Variants in ASCC3 observed in about 807,000 individuals in gnomAD.
ASCC3 encodes activating signal cointegrator 1 complex subunit 3, also known as ASC-1 complex subunit P200.
ASCC3 carries 158 observed loss-of-function variants against 256.3 expected under a neutral mutation model. That is an observed-to-expected ratio of 0.62 (90% CI 0.54 to 0.70). The LOEUF is 0.70. ASCC3 is among the 30% of genes least tolerant of loss of function. The pLI is 0.00. For missense variants in ASCC3, 2,259 were observed against 2,626.0 expected (o/e 0.86, Z 3.05); for synonymous variants, 948 against 883.4 (o/e 1.07, Z -1.30).
Position 100,767,242 on chromosome 6 carries a change from G to A in ASCC3, c.1499C>T (p.Pro500Leu). Reference sequence around the variant, plus strand: ...AATGTTGGTTTTTCCAGCTCCTGTAGGGGCACAAATCAGCATGTTCTCATT... The same window carrying A: ...AATGTTGGTTTTTCCAGCTCCTGTAAGGGCACAAATCAGCATGTTCTCATT... ...NTNENMLICA[P>L]TGAGKTNIAM... is the part of the protein sequence containing the mutation. Residue 500 changes from proline (P) to leucine (L), a missense_variant, in exon 9 of 42, where the codon CCT (proline) becomes CTT (leucine). Coordinates refer to ENST00000369162, the MANE Select transcript of ASCC3 (RefSeq NM_006828.4). 6.2e-7 allele frequency: 1 copy of A among 1,613,978 alleles called. No individual in the cohort carries two copies. Among genetic ancestry groups the A allele is most frequent in the Non-Finnish European group, 8.5e-7 (1 of 1,179,982 alleles).
chr6:100,761,788 C>G (rs985004300), intron 10 of ASCC3, among the ~76,000 whole-genome samples: 1 of 152,042 alleles, frequency 6.6e-6, no homozygotes. Flanking sequence ...AAATTTAAAG[C>G]GAAAAGCCCA....
intron 1 of ASCC3, among the ~76,000 whole-genome samples, chr6:100,874,104 G>T (rs1329904974): frequency 2.6e-5 from 4 of 152,094 alleles, no homozygotes; most frequent in South Asian, 2.1e-4. Flanking sequence ...ACAAATATTT[G>T]AGTTTCTCCT....
intron 8 of ASCC3, among the ~76,000 whole-genome samples, chr6:100,793,479 T>G (rs1340142125): frequency 6.6e-6 from 1 of 151,954 alleles, no homozygotes; most frequent in Non-Finnish European, 1.5e-5. Flanking sequence ...GGCCTTGAAA[T>G]CACAGCCTTT....
At chr6:100,847,422 T>C (rs143606375) in intron 4 of ASCC3, among the ~76,000 whole-genome samples, 17 of 152,246 alleles carry the variant, frequency 1.1e-4, no homozygotes, top group African/African-American at 4.1e-4. Context: ...ACTTCCAAAC[T>C]AATGTTAGTT....
intron 4 of ASCC3, among the ~76,000 whole-genome samples, chr6:100,806,885 T>C (rs991444518): frequency 3.3e-5 from 5 of 151,970 alleles, no homozygotes; most frequent in African/African-American, 1.2e-4. Flanking sequence ...GGTACTATGA[T>C]AGGCATTTTG....
At chr6:100,722,200 T>C (rs910985116) in intron 11 of ASCC3, among the ~76,000 whole-genome samples, 2 of 151,888 alleles carry the variant, frequency 1.3e-5, no homozygotes, top group Non-Finnish European at 2.9e-5. Context: ...TATGTGTCTG[T>C]TTTTGTACCA....
At chr6:100,854,054 T>G (rs997682318) in intron 3 of ASCC3, among the ~76,000 whole-genome samples, 1 of 152,070 alleles carries the variant, frequency 6.6e-6, no homozygotes, top group Non-Finnish European at 1.5e-5. Flanking sequence ...ATATCTAAAC[T>G]AGTCTCATGA....
intron 34 of ASCC3, among the ~76,000 whole-genome samples, chr6:100,601,056 C>A (rs183045525): frequency 1.3e-5 from 2 of 152,136 alleles, no homozygotes; most frequent in East Asian, 3.9e-4. Flanking sequence ...GCTTATGACT[C>A]TTTCAAGCCC....
At chr6:100,856,512 A>G (rs1304081610) in intron 3 of ASCC3, 1 of 730,832 alleles carries the variant, frequency 1.4e-6, no homozygotes, top group Non-Finnish European at 1.7e-6. Context: ...AAGAAAATAT[A>G]CAGTACACAT....
intron 3 of ASCC3, chr6:100,856,553 C>T: frequency 2.1e-6 from 1 of 476,198 alleles, no homozygotes; most frequent in Non-Finnish European, 2.7e-6. Flanking sequence ...AAAACGAACA[C>T]ACCTGTGTAA....
At chr6:100,514,999 AT>A (rs1773951167) in intron 39 of ASCC3, among the ~76,000 whole-genome samples, 1 of 152,196 alleles carries the variant, frequency 6.6e-6, no homozygotes, top group African/African-American at 2.4e-5. Context: ...CCAAATAACC[AT>A]CATCATATCA....
At chr6:100,523,253 C>T (rs547316284) in intron 37 of ASCC3, among the ~76,000 whole-genome samples, 1 of 151,930 alleles carries the variant, frequency 6.6e-6, no homozygotes, top group African/African-American at 2.4e-5. Context: ...CAAGGAGTTT[C>T]ATTAGGTGCT....
chr6:100,600,235 A>G (rs186027885), intron 34 of ASCC3, among the ~76,000 whole-genome samples: 73 of 145,310 alleles, frequency 5.0e-4, no homozygotes, highest in Admixed American at 4.1e-3. Context: ...ACACACACAC[A>G]CACAGTTGTA....
intron 13 of ASCC3, among the ~76,000 whole-genome samples, chr6:100,686,279 A>G (rs1777560898): frequency 6.6e-6 from 1 of 152,140 alleles, no homozygotes; most frequent in Non-Finnish European, 1.5e-5. Context: ...TCCTTATAAT[A>G]TACTGTATTA....
At chr6:100,853,790 A>G (rs1042563059) in intron 3 of ASCC3, among the ~76,000 whole-genome samples, 1 of 152,178 alleles carries the variant, frequency 6.6e-6, no homozygotes, top group African/African-American at 2.4e-5. Flanking sequence ...GAAGTTGTCA[A>G]CAAATGAGTT....
At chr6:100,646,892 A>C in intron 21 of ASCC3, 123 bp from the exon 22 acceptor site, 1 of 1,015,228 alleles carries the variant, frequency 9.9e-7, no homozygotes, top group East Asian at 2.6e-5. Context: ...GCTATGTAGA[A>C]TAGCTGACAT....
intron 14 of ASCC3, among the ~76,000 whole-genome samples, chr6:100,675,602 A>G (rs1168559287): frequency 6.6e-6 from 1 of 152,224 alleles, no homozygotes; most frequent in African/African-American, 2.4e-5. Context: ...TCAGAAAATT[A>G]TACTTTAAAG....
At chr6:100,519,588 A>T in intron 37 of ASCC3, among the ~76,000 whole-genome samples, 1 of 152,294 alleles carries the variant, frequency 6.6e-6, no homozygotes, top group Admixed American at 6.5e-5. Context: ...CAAAGGGAAG[A>T]GAAAAGGAAA....
intron 36 of ASCC3, among the ~76,000 whole-genome samples, chr6:100,556,350 C>T (rs924944926): frequency 2.4e-4 from 37 of 151,982 alleles, no homozygotes; most frequent in Admixed American, 6.6e-4. Context: ...ATGAAATGAA[C>T]GCTGGTGCTA....
Sources: gnomAD v4.1 joint callset for allele counts (sites outside exome capture counted in the v4.1 genomes callset) on GRCh38, gnomAD v4.1.1 for gene constraint, MANE v1.5 for transcripts, NCBI Gene and HGNC (gene_info 2026-07-23, HGNC 2026-07-21) for gene names.